The following KCNQ1 variants were observed in gnomAD, a reference collection of about 807,000 sequenced individuals.
KCNQ1 encodes the protein potassium voltage-gated channel subfamily KQT member 1.
Under a neutral mutation model 72.4 loss-of-function variants are expected in KCNQ1, and 49 were observed. That is an observed-to-expected ratio of 0.68 (90% CI 0.54 to 0.86). The LOEUF (loss-of-function observed/expected upper bound fraction) is 0.86, where lower values mean the gene tolerates loss of function less well. Ranked by LOEUF, KCNQ1 falls within the 40% of genes least tolerant of loss-of-function variation. The pLI is 0.00. For missense variants in KCNQ1, 790 were observed against 945.1 expected (o/e 0.84, Z 2.15); for synonymous variants, 450 against 412.6 (o/e 1.09, Z -1.10).
chr11:2,833,780 A>G (rs760019591), intron 15 of KCNQ1, among the ~76,000 whole-genome samples: 5 of 152,222 alleles, frequency 3.3e-5, no homozygotes, highest in Non-Finnish European at 7.3e-5. Flanking sequence ...CCGAGACAAC[A>G]GTGGGGAAGG....
In KCNQ1 at chr11:2,488,374, G is replaced by T. The variant is rs1221847927; in HGVS notation, c.387-39554G>T. Reference sequence around the variant, plus strand: ...CAGAGTAATGCTCTCCTCATAGAATGAGTTAGAAACCTTTCCCCTCCTCTT... The same window carrying T: ...CAGAGTAATGCTCTCCTCATAGAATTAGTTAGAAACCTTTCCCCTCCTCTT... On this transcript the variant is annotated intron_variant, in intron 1 of 15. Transcript: ENST00000155840. This position sits in a 1 kb window ranked among gnomAD's most constrained non-coding sequence, Gnocchi z 5.1. 6.6e-6 allele frequency among the ~76,000 whole-genome samples: 1 copy of T among 152,172 alleles called. No individual in the cohort carries two copies. Among genetic ancestry groups the T allele is most frequent in the Non-Finnish European group, 1.5e-5 (1 of 68,028 alleles).
At chr11:2,639,350 C>T (rs7936778) in intron 10 of KCNQ1, 104,516 of 152,044 alleles carry the variant, frequency 0.69, 36,628 homozygotes, top group East Asian at 0.86. Context: ...GTTTTATCTA[C>T]CTTTGGTCTT....
At chr11:2,776,858 G>T (rs544101455) in intron 13 of KCNQ1, 128 bp from the exon 14 acceptor site, 65 of 901,232 alleles carry the variant, frequency 7.2e-5, no homozygotes, top group Middle Eastern at 5.8e-4. Flanking sequence ...AGGGTCGGGG[G>T]TGTCCCCAGA....
intron 1 of KCNQ1, among the ~76,000 whole-genome samples, chr11:2,499,520 A>AACC (rs1554885863): frequency 1.5e-5 from 2 of 131,476 alleles, no homozygotes; most frequent in Admixed American, 1.5e-4. Context: ...GGTTGAATGG[A>AACC]CCCCTGCCCC....
chr11:2,762,773 CT>C lies in KCNQ1; in HGVS notation c.1515-6070del, dbSNP rs1590073646. Among the ~76,000 whole-genome samples, 1 of 152,212 alleles carries C rather than the reference CT, an allele frequency of 6.6e-6. No homozygotes were observed. The highest frequency in any genetic ancestry group is 1.9e-4 in the East Asian group (1 of 5,196). Reference sequence around the variant, plus strand: ...AGAATCTAATGCCTGCTGGTCTGAACTGGAACAGTTTCATCCTGAAACCATC... The same window carrying C: ...AGAATCTAATGCCTGCTGGTCTGAACGGAACAGTTTCATCCTGAAACCATC... On this transcript the variant is annotated intron_variant, in intron 11 of 15. Transcript: ENST00000155840. The surrounding 1 kb of genome is among the most constrained non-coding windows in gnomAD (Gnocchi z 4.3).
chr11:2,532,926 G>A (rs1847665096), intron 2 of KCNQ1, among the ~76,000 whole-genome samples: 1 of 152,194 alleles, frequency 6.6e-6, no homozygotes, highest in Non-Finnish European at 1.5e-5. Context: ...TGCAGCCCTT[G>A]GGGCCAGGCG....
chr11:2,688,331 T>C, intron 11 of KCNQ1: 1 of 398,750 alleles, frequency 2.5e-6, no homozygotes, highest in Middle Eastern at 6.3e-4. Context: ...ACACACAGCT[T>C]CCATGGGGGT....
At position 2,559,170 on chromosome 11, in the gene KCNQ1, G is replaced by A. The variant is rs768505860; in HGVS notation, c.478-11458G>A. On this transcript the variant is annotated intron_variant, in intron 2 of 15. Coordinates refer to ENST00000155840, the MANE Select transcript of KCNQ1 (RefSeq NM_000218.3). This position sits in a 1 kb window ranked among gnomAD's most constrained non-coding sequence, Gnocchi z 4.9. ...CCCTTGAGCAAAATATTGCACTTTC[G>A]TTGCTCTCTGAAAGCCTACCAGGCA... Among the ~76,000 whole-genome samples, 16 of 152,128 alleles carry A rather than the reference G, an allele frequency of 1.1e-4. No homozygotes were observed. Among genetic ancestry groups the A allele is most frequent in the Admixed American group, 2.6e-4 (4 of 15,288 alleles).
rs1846051298 is a variant in KCNQ1 at position 2,447,212 on chromosome 11, G to GTC, written c.386+1731_386+1732dup. ...TTTCTTCCTCATTTGGATTGTTTAGGTCTCGGAAGTTTGCTCAGCAAGAGT... is the reference window on the plus strand; with the variant it reads ...TTTCTTCCTCATTTGGATTGTTTAGGTCTCTCGGAAGTTTGCTCAGCAAGAGT... On this transcript the variant is annotated intron_variant, in intron 1 of 15. Coordinates refer to ENST00000155840, the MANE Select transcript of KCNQ1 (RefSeq NM_000218.3). The surrounding 1 kb of genome is among the most constrained non-coding windows in gnomAD (Gnocchi z 7.6). Among the ~76,000 whole-genome samples the GTC allele has an allele frequency of 6.6e-6, 1 of 152,046 alleles. No individual in the cohort carries two copies. The highest frequency in any genetic ancestry group is 2.4e-5 in the African/African-American group (1 of 41,362).
intron 10 of KCNQ1, chr11:2,641,373 C>G: frequency 2.5e-6 from 1 of 398,096 alleles, no homozygotes; most frequent in East Asian, 3.6e-5. Context: ...TTGCATTTCC[C>G]TTATAATTAC....
intron 6 of KCNQ1, among the ~76,000 whole-genome samples, chr11:2,574,269 G>A (rs1380272456): frequency 2.0e-5 from 3 of 152,172 alleles, no homozygotes; most frequent in Non-Finnish European, 2.9e-5. Flanking sequence ...CCCAAGTGCC[G>A]AGGTGACAGG....
At chr11:2,681,808 C>G (rs2133881676) in intron 11 of KCNQ1, 2 of 398,504 alleles carry the variant, frequency 5.0e-6, no homozygotes, top group East Asian at 7.1e-5. Flanking sequence ...CCTGCCTTCT[C>G]AGGTTATGGT....
intron 10 of KCNQ1, chr11:2,629,728 T>C (rs1849322278): frequency 2.5e-6 from 1 of 398,412 alleles, no homozygotes; most frequent in African/African-American, 2.1e-5. Context: ...TCAGGTTGTT[T>C]ATTATTAGTG....
rs1846854052 is a variant in KCNQ1, at chr11:2,492,626, C to T, written c.387-35302C>T. ...AACATATGGTGTTTGGTTTTCTGTT[C>T]CTGTGTTAGTTTGCCGAGAATGGTT... On this transcript the variant is annotated intron_variant, in intron 1 of 15. Transcript: ENST00000155840. The surrounding 1 kb of genome is among the most constrained non-coding windows in gnomAD (Gnocchi z 4.1). Among the ~76,000 whole-genome samples, 1 of 152,138 alleles carries T rather than the reference C, an allele frequency of 6.6e-6. No individual in the cohort carries two copies. Among genetic ancestry groups the T allele is most frequent in the Admixed American group, 6.5e-5 (1 of 15,272 alleles).
At position 2,841,813 on chromosome 11, in the gene KCNQ1, G is replaced by A. The variant is rs554347453; in HGVS notation, c.1795-5954G>A. ...CTTGGGGGGCCAAGCATCCGTCAGT[G>A]GGCAGAGGCTGGTAAAAGTGGATGT... is the stretch of plus-strand genomic sequence containing the variant. On this transcript the variant is annotated intron_variant, in intron 15 of 15. Coordinates refer to ENST00000155840, the MANE Select transcript of KCNQ1 (RefSeq NM_000218.3). Among the ~76,000 whole-genome samples, 19 of 152,342 alleles carry A rather than the reference G, an allele frequency of 1.2e-4. No homozygotes were observed. The South Asian group carries it at 3.9e-3, about 32-fold the overall frequency.
chr11:2,620,485 G>T lies in KCNQ1; in HGVS notation c.1393+31631G>T, dbSNP rs1423594992. On this transcript the variant is annotated intron_variant, in intron 10 of 15. Transcript: ENST00000155840. The surrounding 1 kb of genome is among the most constrained non-coding windows in gnomAD (Gnocchi z 4.5). ...CCCGCCTTGGCCTCCCAAAGTGCTG[G>T]GATTACAGGTGAGAGCTACCGCACC... The T allele has an allele frequency of 8.5e-6, 3 of 351,982 alleles. No individual in the cohort carries two copies. Among genetic ancestry groups the T allele is most frequent in the Admixed American group, 4.7e-5 (1 of 21,092 alleles). The allele number at this position is 351,982 out of a possible 1,614,324, so 21.8% of individuals were successfully genotyped here.
intron 15 of KCNQ1, among the ~76,000 whole-genome samples, chr11:2,837,554 C>T (rs565580182): frequency 4.6e-5 from 7 of 152,244 alleles, no homozygotes; most frequent in South Asian, 2.1e-4. Flanking sequence ...GTGCAGTGCC[C>T]TGCCCTCGGG....
rs2237892 is a variant in KCNQ1, at chr11:2,818,521, C to T, written c.1795-29246C>T. Among the ~76,000 whole-genome samples, 14,612 of 152,156 alleles carry T rather than the reference C, an allele frequency of 0.096. 1,189 individuals are homozygous for T. The highest frequency in any genetic ancestry group is 0.34 in the East Asian group (1,770 of 5,142). ...GGAGCTGTCACAGGACTTTGCCACC[C>T]GGGGTGAGGGGCCTAGAAACCCCTC... is the stretch of plus-strand genomic sequence containing the variant. On this transcript the variant is annotated intron_variant, in intron 15 of 15. Coordinates refer to ENST00000155840, the MANE Select transcript of KCNQ1 (RefSeq NM_000218.3). The surrounding 1 kb of genome is among the most constrained non-coding windows in gnomAD (Gnocchi z 7.2).
In KCNQ1 at chr11:2,764,657, T is replaced by C. The variant is rs1339742168; in HGVS notation, c.1515-4187T>C. On this transcript the variant is annotated intron_variant, in intron 11 of 15. Coordinates refer to ENST00000155840, the MANE Select transcript of KCNQ1 (RefSeq NM_000218.3). The surrounding 1 kb of genome is among the most constrained non-coding windows in gnomAD (Gnocchi z 4.8). ...ATACAGAGTTTTCTTTGCCAGAAGA[T>C]CATTAAAATTCCAAATTTAACTTAT... 6.6e-6 allele frequency among the ~76,000 whole-genome samples: 1 copy of C among 152,240 alleles called. No individual in the cohort carries two copies. The highest frequency in any genetic ancestry group is 2.4e-5 in the African/African-American group (1 of 41,460).
Sources: allele counts gnomAD v4.1 joint callset (sites outside exome capture counted in the v4.1 genomes callset), GRCh38; gene constraint gnomAD v4.1.1; non-coding constraint Gnocchi (gnomAD v3.1); transcripts MANE v1.5; gene names NCBI Gene and HGNC (gene_info 2026-07-23, HGNC 2026-07-21).